The following SLX4IP variants were observed in gnomAD, a reference collection of about 807,000 sequenced individuals.
The protein encoded by SLX4IP is SLX4 interacting protein.
A neutral mutation model predicts 32.9 loss-of-function variants in SLX4IP; 34 were observed. The ratio of observed to expected loss-of-function variants is 1.03; its 90% confidence interval spans 0.79 to 1.38. The LOEUF is 1.38. SLX4IP is among the 40% of genes most tolerant of loss of function. The pLI is 0.00. For synonymous variants in SLX4IP, 172 were observed against 171.7 expected (o/e 1.00, Z -0.01); for missense variants, 444 against 479.0 (o/e 0.93, Z 0.68).
chr20:10,508,849 C>A (rs1311012524), intron 2 of SLX4IP, among the ~76,000 whole-genome samples: 1 of 152,168 alleles, frequency 6.6e-6, no homozygotes, highest in South Asian at 2.1e-4. Context: ...ATTCTGGGTA[C>A]AGCCAAAGAC....
intron 2 of SLX4IP, among the ~76,000 whole-genome samples, chr20:10,553,683 G>T (rs1214923001): frequency 6.6e-6 from 1 of 152,146 alleles, no homozygotes; most frequent in Non-Finnish European, 1.5e-5. Flanking sequence ...CATCATAACT[G>T]AGTACACACT....
intron 1 of SLX4IP, among the ~76,000 whole-genome samples, chr20:10,445,311 CTTTTTTT>C (rs36058168): frequency 7.8e-5 from 7 of 90,192 alleles, no homozygotes; most frequent in African/African-American, 2.3e-4. Flanking sequence ...TTTTTTCTTT[CTTTTTTT>C]TTTTTTTTTT....
At chr20:10,474,642 G>A (rs1037206609) in intron 2 of SLX4IP, among the ~76,000 whole-genome samples, 5 of 152,240 alleles carry the variant, frequency 3.3e-5, no homozygotes, top group African/African-American at 7.2e-5. Flanking sequence ...GGCCTTGGGG[G>A]CCTGGGCTGG....
At chr20:10,445,737 G>A (rs1243841698) in intron 1 of SLX4IP, among the ~76,000 whole-genome samples, 1 of 150,656 alleles carries the variant, frequency 6.6e-6, no homozygotes, top group African/African-American at 2.4e-5. Flanking sequence ...CGATTCTCCC[G>A]CCTCGGCCTC....
At chr20:10,547,967 A>G (rs947333871) in intron 2 of SLX4IP, among the ~76,000 whole-genome samples, 7 of 152,310 alleles carry the variant, frequency 4.6e-5, no homozygotes, top group Admixed American at 2.0e-4. Context: ...TGACACTTTT[A>G]TAACCTCCAC....
chr20:10,477,335 G>A (rs1021581634), intron 2 of SLX4IP, among the ~76,000 whole-genome samples: 8 of 152,066 alleles, frequency 5.3e-5, no homozygotes, highest in African/African-American at 1.4e-4. Flanking sequence ...TAGTAGAGAC[G>A]GGATTTCACC....
intron 2 of SLX4IP, among the ~76,000 whole-genome samples, chr20:10,531,795 C>T (rs767027417): frequency 2.0e-5 from 3 of 152,156 alleles, no homozygotes; most frequent in Admixed American, 6.5e-5. Flanking sequence ...CACCTCCTAG[C>T]GTCTGGAGGA....
chr20:10,552,529 T>C (rs1474552929), intron 2 of SLX4IP, among the ~76,000 whole-genome samples: 2 of 151,988 alleles, frequency 1.3e-5, no homozygotes, highest in Non-Finnish European at 2.9e-5. Context: ...AGCTCAGAAC[T>C]GCAGGCTGCA....
chr20:10,595,806 C>CT (rs2066763505), intron 4 of SLX4IP, among the ~76,000 whole-genome samples: 1 of 152,190 alleles, frequency 6.6e-6, no homozygotes, highest in Non-Finnish European at 1.5e-5. Flanking sequence ...TCAAGTTTCT[C>CT]TTTAAACAAA....
chr20:10,512,364 G>A (rs1318702009), intron 2 of SLX4IP, among the ~76,000 whole-genome samples: 1 of 151,906 alleles, frequency 6.6e-6, no homozygotes, highest in African/African-American at 2.4e-5. Flanking sequence ...TTTCAAAAAT[G>A]TCTTGGTCAA....
chr20:10,519,218 A>G (rs192018546), intron 2 of SLX4IP, among the ~76,000 whole-genome samples: 9 of 152,276 alleles, frequency 5.9e-5, no homozygotes, highest in African/African-American at 2.2e-4. Flanking sequence ...GGCATAATTC[A>G]TATACCATAA....
chr20:10,549,840 T>C (rs2066200879), intron 2 of SLX4IP, among the ~76,000 whole-genome samples: 1 of 152,254 alleles, frequency 6.6e-6, no homozygotes, highest in African/African-American at 2.4e-5. Flanking sequence ...ATAGGTGCTC[T>C]GTAAATGGCA....
intron 1 of SLX4IP, among the ~76,000 whole-genome samples, chr20:10,457,370 A>T (rs2065293458): frequency 6.6e-6 from 1 of 151,302 alleles, no homozygotes; most frequent in Non-Finnish European, 1.5e-5. Context: ...AATGTCTTTT[A>T]TCAGGTTGAG....
intron 2 of SLX4IP, among the ~76,000 whole-genome samples, chr20:10,532,959 T>C (rs1401139432): frequency 1.3e-5 from 2 of 152,078 alleles, no homozygotes; most frequent in East Asian, 3.9e-4. Context: ...TTATTTTTAG[T>C]ACAGATGGGG....
Position 10,468,770 on chromosome 20 carries a change from T to A in SLX4IP, c.27+10539T>A, listed in dbSNP as rs180797169. ...GTGTTTTTTTGACTGTTATGTGCAG[T>A]TTATGTTATGTTTTATATATATTTC... On this transcript the variant is annotated intron_variant, in intron 2 of 7. Coordinates refer to ENST00000334534, the MANE Select transcript of SLX4IP (RefSeq NM_001009608.3). Among the ~76,000 whole-genome samples, 396 of 152,292 alleles carry A rather than the reference T, an allele frequency of 2.6e-3. 1 individual carries two copies. Among genetic ancestry groups the A allele is most frequent in the Middle Eastern group, 6.8e-3 (2 of 294 alleles).
chr20:10,602,097 A>T (rs1179511972), intron 6 of SLX4IP, among the ~76,000 whole-genome samples: 1 of 152,264 alleles, frequency 6.6e-6, no homozygotes, highest in East Asian at 1.9e-4. Context: ...GGTGCTTATG[A>T]TAGTGTTTAA....
intron 2 of SLX4IP, among the ~76,000 whole-genome samples, chr20:10,479,045 C>T (rs1600912514): frequency 6.6e-6 from 1 of 152,214 alleles, no homozygotes; most frequent in Non-Finnish European, 1.5e-5. Context: ...AATCCTCCCC[C>T]TACTCAGGCC....
At chr20:10,583,632 T>G (rs903065235) in intron 4 of SLX4IP, among the ~76,000 whole-genome samples, 2 of 152,184 alleles carry the variant, frequency 1.3e-5, no homozygotes, top group African/African-American at 4.8e-5. Context: ...CTGGGGTCCC[T>G]TGTGTGAGAA....
chr20:10,493,151 T>C (rs1893527135), intron 2 of SLX4IP, among the ~76,000 whole-genome samples: 1 of 152,176 alleles, frequency 6.6e-6, no homozygotes, highest in Non-Finnish European at 1.5e-5. Flanking sequence ...TTTTTCTTTT[T>C]CAACATTGCC....
Sources: gnomAD v4.1 joint callset for allele counts (sites outside exome capture counted in the v4.1 genomes callset) on GRCh38, gnomAD v4.1.1 for gene constraint, MANE v1.5 for transcripts, NCBI Gene and HGNC (gene_info 2026-07-23, HGNC 2026-07-21) for gene names.